HS3ST4: variants seen among roughly 807,000 people sequenced by gnomAD.
HS3ST4 encodes the protein heparan sulfate-glucosamine 3-sulfotransferase 4, also known as heparan sulfate glucosamine 3-O-sulfotransferase 4.
Under a neutral mutation model 29.2 loss-of-function variants are expected in HS3ST4, and 17 were observed. The ratio of observed to expected loss-of-function variants is 0.58; its 90% CI spans 0.40 to 0.87. The LOEUF (loss-of-function observed/expected upper bound fraction) is 0.87. Ranked by LOEUF, HS3ST4 falls within the 40% of genes least tolerant of loss-of-function variation. The pLI, the probability that HS3ST4 is intolerant of heterozygous loss-of-function variation, is 0.00. For missense variants in HS3ST4, 627 were observed against 634.5 expected (o/e 0.99, Z 0.13); for synonymous variants, 314 against 285.7 (o/e 1.10, Z -1.00).
chr16:26,098,335 A>C (rs1898952415), intron 1 of HS3ST4, among the ~76,000 whole-genome samples: 1 of 152,230 alleles, frequency 6.6e-6, no homozygotes, highest in African/African-American at 2.4e-5. Context: ...GAACCAAGCC[A>C]AATGTCCATC....
At chr16:25,804,148 C>T (rs900654708) in intron 1 of HS3ST4, among the ~76,000 whole-genome samples, 4 of 151,960 alleles carry the variant, frequency 2.6e-5, no homozygotes, top group South Asian at 2.1e-4. Flanking sequence ...CGTGAGAATT[C>T]GATGTGATAG....
chr16:25,842,916 A>T (rs1967431010), intron 1 of HS3ST4, among the ~76,000 whole-genome samples: 1 of 152,184 alleles, frequency 6.6e-6, no homozygotes. Context: ...TAACTCTGAG[A>T]TGGTGGATTT....
chr16:25,898,641 G>T (rs1217781035), intron 1 of HS3ST4, among the ~76,000 whole-genome samples: 1 of 152,178 alleles, frequency 6.6e-6, no homozygotes, highest in Admixed American at 6.5e-5. Context: ...ACTGCCCTTT[G>T]CCATCTCTAT....
Position 25,969,010 on chromosome 16 carries a change from G to A in HS3ST4, c.735-166602G>A, listed in dbSNP as rs372158914. Among the ~76,000 whole-genome samples, 5 of 152,184 alleles carry A rather than the reference G, an allele frequency of 3.3e-5. No homozygotes were observed. In the South Asian group the frequency reaches 1.0e-3, roughly 32 times the overall value. ...AATTTTTGTAATTTTAGCAGAGACG[G>A]GGGTTTCACCATGTTGGCCAAGCTG... is the stretch of plus-strand genomic sequence containing the variant. On this transcript the variant is annotated intron_variant, in intron 1 of 1. Transcript: ENST00000331351.
chr16:25,758,617 C>T (rs1966771373), intron 1 of HS3ST4, among the ~76,000 whole-genome samples: 1 of 152,130 alleles, frequency 6.6e-6, no homozygotes, highest in South Asian at 2.1e-4. Flanking sequence ...CTCAGAGCAC[C>T]ACAGCCACCT....
At chr16:25,711,026 T>C (rs1351631667) in intron 1 of HS3ST4, among the ~76,000 whole-genome samples, 2 of 151,894 alleles carry the variant, frequency 1.3e-5, no homozygotes, top group African/African-American at 4.8e-5. Flanking sequence ...TCTTGCTTTT[T>C]TGCTTAGGCT....
intron 1 of HS3ST4, among the ~76,000 whole-genome samples, chr16:25,910,675 C>G (rs1968229809): frequency 6.6e-6 from 1 of 151,458 alleles, no homozygotes; most frequent in African/African-American, 2.4e-5. Flanking sequence ...ACAAAAAAAA[C>G]AAGTTTATGC....
chr16:26,002,746 A>C (rs1969222888), intron 1 of HS3ST4, among the ~76,000 whole-genome samples: 1 of 151,408 alleles, frequency 6.6e-6, no homozygotes, highest in African/African-American at 2.4e-5. Context: ...AGAGGGAAAG[A>C]GAGAAAGAAA....
At chr16:25,897,055 A>T (rs1304917820) in intron 1 of HS3ST4, among the ~76,000 whole-genome samples, 1 of 152,190 alleles carries the variant, frequency 6.6e-6, no homozygotes, top group Non-Finnish European at 1.5e-5. Flanking sequence ...TACTGTGTTC[A>T]CTTGCTGAGT....
intron 1 of HS3ST4, among the ~76,000 whole-genome samples, chr16:26,054,792 C>T (rs1165038555): frequency 3.3e-5 from 5 of 151,828 alleles, no homozygotes; most frequent in East Asian, 1.9e-4. Flanking sequence ...TGGGAGCCAT[C>T]GCAAGGTAAC....
intron 1 of HS3ST4, among the ~76,000 whole-genome samples, chr16:25,904,197 TGAATG>T (rs1410279068): frequency 1.3e-5 from 2 of 151,072 alleles, no homozygotes; most frequent in Non-Finnish European, 1.5e-5. Flanking sequence ...GATGGACAGA[TGAATG>T]GATGGATGGA....
intron 1 of HS3ST4, among the ~76,000 whole-genome samples, chr16:25,784,957 T>A (rs1966856072): frequency 1.3e-5 from 2 of 152,194 alleles, no homozygotes; most frequent in South Asian, 4.1e-4. Flanking sequence ...TGTTAGGAAG[T>A]AATGCAGCTG....
intron 1 of HS3ST4, among the ~76,000 whole-genome samples, chr16:25,878,360 G>T (rs1967855160): frequency 6.6e-6 from 1 of 152,190 alleles, no homozygotes; most frequent in East Asian, 1.9e-4. Context: ...ACCACCAGGG[G>T]TGTAATTCTA....
chr16:25,743,444 T>C (rs1171064138), intron 1 of HS3ST4, among the ~76,000 whole-genome samples: 2 of 152,204 alleles, frequency 1.3e-5, no homozygotes, highest in Non-Finnish European at 2.9e-5. Flanking sequence ...AGTCAATTAA[T>C]CAATCGGCAT....
chr16:25,992,190 A>G (rs539730776), intron 1 of HS3ST4, among the ~76,000 whole-genome samples: 4 of 152,254 alleles, frequency 2.6e-5, no homozygotes, highest in South Asian at 4.2e-4. Flanking sequence ...ATTTATGACT[A>G]CCCTTTGATT....
chr16:26,037,261 A>C (rs999938909), intron 1 of HS3ST4, among the ~76,000 whole-genome samples: 1 of 152,254 alleles, frequency 6.6e-6, no homozygotes, highest in Admixed American at 6.5e-5. Context: ...CCAAGGGCAC[A>C]TACCTTCCAG....
intron 1 of HS3ST4, among the ~76,000 whole-genome samples, chr16:25,782,929 G>A (rs188852581): frequency 6.6e-6 from 1 of 152,182 alleles, no homozygotes; most frequent in Admixed American, 6.5e-5. Context: ...TGTGGTAATA[G>A]CTTGTCTGTT....
intron 1 of HS3ST4, among the ~76,000 whole-genome samples, chr16:26,046,540 C>T (rs1407209811): frequency 6.6e-6 from 1 of 152,118 alleles, no homozygotes; most frequent in Non-Finnish European, 1.5e-5. Flanking sequence ...CCTGTGGACC[C>T]TTCACTTCAC....
chr16:26,099,233 C>T (rs1898964489), intron 1 of HS3ST4, among the ~76,000 whole-genome samples: 2 of 152,200 alleles, frequency 1.3e-5, no homozygotes, highest in Non-Finnish European at 2.9e-5. Flanking sequence ...CAGTTTACTG[C>T]AGCCTCAACG....
Sources: allele counts gnomAD v4.1 joint callset (sites outside exome capture counted in the v4.1 genomes callset), GRCh38; gene constraint gnomAD v4.1.1; transcripts MANE v1.5; gene names NCBI Gene and HGNC (gene_info 2026-07-23, HGNC 2026-07-21).